Variants in KIN observed in about 807,000 individuals in gnomAD.
KIN encodes DNA/RNA-binding protein KIN17.
KIN carries 47 observed loss-of-function variants against 63.0 expected under a neutral mutation model. The ratio of observed to expected loss-of-function variants is 0.75; its 90% CI spans 0.59 to 0.95. The LOEUF is 0.95. Ranked by LOEUF, KIN falls within the 40% of genes least tolerant of loss-of-function variation. The pLI, the probability that KIN is intolerant of heterozygous loss-of-function variation, is 0.00. For missense variants in KIN, 408 were observed against 460.9 expected (o/e 0.89, Z 1.05); for synonymous variants, 160 against 157.7 (o/e 1.01, Z -0.11).
At chr10:7,766,726 T>C (rs527346026) in intron 8 of KIN, among the ~76,000 whole-genome samples, 67 of 152,284 alleles carry the variant, frequency 4.4e-4, no homozygotes, top group African/African-American at 1.5e-3. Context: ...CTTGGTTGAT[T>C]CGAAACCTAA....
intron 9 of KIN, 103 bp downstream of exon 9, chr10:7,765,950 G>C (rs899001790): frequency 1.1e-5 from 8 of 747,694 alleles, no homozygotes; most frequent in Non-Finnish European, 1.8e-5. Flanking sequence ...TATCTATATA[G>C]ATTATACGTG....
chr10:7,778,695 C>T (rs1322061747), intron 5 of KIN, 143 bp downstream of exon 5: 13 of 803,880 alleles, frequency 1.6e-5, no homozygotes, highest in South Asian at 5.2e-5. Context: ...GCTGAGATTG[C>T]GCTACTGCAC....
In KIN at chr10:7,778,958, T is replaced by C. The variant is rs781744882; in HGVS notation, c.438A>G (p.Pro146=). ...GTTCCAGTTGCCGGCGGATAGTTTC[T>C]GGGTCCCTGTCTATGTACTGAATAT... ...GWYIQYIDRD[P]ETIRRQLELE... The change falls in exon 5 of 13, where the codon CCA becomes CCG. Residue 146 remains proline (P), a synonymous_variant. Transcript: ENST00000379562. 1.2e-6 allele frequency: 2 copies of C among 1,614,170 alleles called. No individual in the cohort carries two copies. Among genetic ancestry groups the C allele is most frequent in the Non-Finnish European group, 1.7e-6 (2 of 1,180,040 alleles).
rs1294039379 is a variant in KIN, at chr10:7,763,717, C to T, written c.918+6G>A. ...ACAAATTCCATTCATAATTGCACGT[C>T]CTTACCTTAACAATAGCCTTTTTCT... is the stretch of plus-strand genomic sequence containing the variant. On this transcript the variant is annotated splice_donor_region_variant and intron_variant, in intron 10 of 12. Coordinates refer to ENST00000379562, the MANE Select transcript of KIN (RefSeq NM_012311.4). The T allele has an allele frequency of 1.4e-6, 2 of 1,461,234 alleles. No individual in the cohort carries two copies. Among genetic ancestry groups the T allele is most frequent in the Admixed American group, 1.8e-5 (1 of 54,790 alleles). 90.5% of individuals were successfully genotyped at this position (1,461,234 alleles called of 1,614,324 possible).
chr10:7,780,403 GT>G (rs551751313), intron 2 of KIN, 96 bp from the exon 3 acceptor site: 39 of 1,070,934 alleles, frequency 3.6e-5, no homozygotes, highest in Admixed American at 1.3e-4. Context: ...TTTTGTTTTT[GT>G]TTTTTTTGAG....
At chr10:7,782,155 A>C (rs1199766068) in intron 2 of KIN, among the ~76,000 whole-genome samples, 1 of 152,186 alleles carries the variant, frequency 6.6e-6, no homozygotes, top group African/African-American at 2.4e-5. Context: ...CATAAACAGA[A>C]GTTCTTGGGG....
At chr10:7,761,222 C>T (rs1366036642) in intron 11 of KIN, 1 of 152,016 alleles carries the variant, frequency 6.6e-6, no homozygotes, top group African/African-American at 2.4e-5. Flanking sequence ...TATTGTACAT[C>T]AATTTTACCA....
At position 7,754,014 on chromosome 10, in the gene KIN, T is replaced by A. The variant is rs900184931; in HGVS notation, c.*2066A>T. ...GAAGTGATCATCCTGGTATGGTCTGTTTTTTGTTTGAACTCTTGTAGAAGA... is the reference window on the plus strand; with the variant it reads ...GAAGTGATCATCCTGGTATGGTCTGATTTTTGTTTGAACTCTTGTAGAAGA... On this transcript the variant is annotated 3_prime_UTR_variant, in exon 13 of 13. Transcript: ENST00000379562. The A allele has an allele frequency of 6.6e-6, 3 of 455,832 alleles. No individual in the cohort carries two copies. The highest frequency in any genetic ancestry group is 1.3e-5 in the Non-Finnish European group (3 of 226,772). The allele number at this position is 455,832 out of a possible 1,614,324, so 28.2% of individuals were successfully genotyped here.
rs1451487255 is a variant in KIN, at chr10:7,763,800, T to A, written c.850-9A>T. 5 of 1,223,856 alleles carry A rather than the reference T, an allele frequency of 4.1e-6. No individual in the cohort carries two copies. The highest frequency in any genetic ancestry group is 2.4e-5 in the East Asian group (1 of 42,006). 75.8% of individuals were successfully genotyped at this position (1,223,856 alleles called of 1,614,324 possible). Reference sequence around the variant, plus strand: ...ATTTTCACAATAATTTCCTAGAAAATAATAACAAAAAAAATGAAAGGAAAG... The same window carrying A: ...ATTTTCACAATAATTTCCTAGAAAAAAATAACAAAAAAAATGAAAGGAAAG... On this transcript the variant is annotated splice_polypyrimidine_tract_variant and intron_variant, in intron 9 of 12. Coordinates refer to ENST00000379562, the MANE Select transcript of KIN (RefSeq NM_012311.4).
chr10:7,765,958 G>A (rs566376296), intron 9 of KIN, 95 bp downstream of exon 9: 34 of 790,510 alleles, frequency 4.3e-5, no homozygotes, highest in South Asian at 3.9e-4. Flanking sequence ...TAGATTATAC[G>A]TGTTTGAAAA....
chr10:7,781,587 T>TCTACACACACACACACACACACAC lies in KIN; in HGVS notation c.210-1281_210-1280insGTGTGTGTGTGTGTGTGTGTGTAG, dbSNP rs71515486. On this transcript the variant is annotated intron_variant, in intron 2 of 12. Coordinates refer to ENST00000379562, the MANE Select transcript of KIN (RefSeq NM_012311.4). ...GGGCAACAAAGTGAGACCCTGTCTC[T>TCTACACACACACACACACACACAC]ACACACACACACACACACACACACA... Among the ~76,000 whole-genome samples, 209 of 140,710 alleles carry TCTACACACACACACACACACACAC rather than the reference T, an allele frequency of 1.5e-3. 1 individual carries two copies. The highest frequency in any genetic ancestry group is 5.3e-3 in the African/African-American group (194 of 36,402). 92.3% of individuals were successfully genotyped at this position (140,710 alleles called of 152,430 possible).
At chr10:7,773,468 T>C (rs1231284821) in intron 7 of KIN, among the ~76,000 whole-genome samples, 1 of 152,228 alleles carries the variant, frequency 6.6e-6, no homozygotes, top group African/African-American at 2.4e-5. Flanking sequence ...TTTGAGCCGA[T>C]CTTCCAGGTC....
chr10:7,787,081 GC>G (rs3834400), intron 1 of KIN, among the ~76,000 whole-genome samples: 70,337 of 151,832 alleles, frequency 0.46, 16,762 homozygotes, highest in Non-Finnish European at 0.51. Flanking sequence ...CCATAGTGTA[GC>G]CATATAAGGC....
chr10:7,764,519 A>C (rs1017275873), intron 9 of KIN, among the ~76,000 whole-genome samples: 1 of 152,246 alleles, frequency 6.6e-6, no homozygotes, highest in African/African-American at 2.4e-5. Flanking sequence ...CTTCAAGTGA[A>C]TATATCAAAG....
At chr10:7,775,106 C>G (rs1161532888) in intron 6 of KIN, among the ~76,000 whole-genome samples, 3 of 152,204 alleles carry the variant, frequency 2.0e-5, no homozygotes, top group African/African-American at 7.2e-5. Flanking sequence ...GTCACCGTGG[C>G]AGACCACACC....
At chr10:7,757,098 G>A (rs1835345535) in intron 12 of KIN, among the ~76,000 whole-genome samples, 1 of 152,092 alleles carries the variant, frequency 6.6e-6, no homozygotes, top group Admixed American at 6.6e-5. Flanking sequence ...TTGGGTTGTT[G>A]GGAAATATAA....
rs536298351 is a variant in KIN, at chr10:7,775,120, G to A, written c.608-229C>T. ...TGTCACCGTGGCAGACCACACCGGC[G>A]CTTCCCTGCTCTATCCCCATTTCCC... is the stretch of plus-strand genomic sequence containing the variant. On this transcript the variant is annotated intron_variant, in intron 6 of 12. Coordinates refer to ENST00000379562, the MANE Select transcript of KIN (RefSeq NM_012311.4). Among the ~76,000 whole-genome samples the A allele has an allele frequency of 1.9e-3, 291 of 152,276 alleles. 2 individuals are homozygous for A. The highest frequency in any genetic ancestry group is 3.4e-3 in the Non-Finnish European group (228 of 68,028).
At position 7,787,930 on chromosome 10, in the gene KIN, C is replaced by G. The variant is rs75813059; in HGVS notation, c.4G>C (p.Gly2Arg). 42 of 1,607,646 alleles carry G rather than the reference C, an allele frequency of 2.6e-5. No homozygotes were observed. Among genetic ancestry groups the G allele is most frequent in the Non-Finnish European group, 2.6e-6 (3 of 1,174,226 alleles). The change falls in exon 1 of 13, where the codon GGG becomes CGG. Residue 2 changes from glycine to arginine, a missense_variant. Coordinates refer to ENST00000379562, the MANE Select transcript of KIN (RefSeq NM_012311.4). ...TTGGGAGTAAGAAAATCCGACTTCCCCATGGCGACCACGGCAGCGATCACT... is the reference window on the plus strand; with the variant it reads ...TTGGGAGTAAGAAAATCCGACTTCCGCATGGCGACCACGGCAGCGATCACT... M[G>R]KSDFLTPKAI... is the part of the protein sequence containing the mutation.
At position 7,780,123 on chromosome 10, in the gene KIN, C is replaced by G. The variant is rs1446990753; in HGVS notation, c.309G>C (p.Glu103Asp). 6.2e-7 allele frequency: 1 copy of G among 1,613,784 alleles called. No individual in the cohort carries two copies. The highest frequency in any genetic ancestry group is 2.2e-5 in the East Asian group (1 of 44,864). Residue 103 changes from glutamate to aspartate, a missense_variant, in exon 4 of 13, where the codon GAG becomes GAC. Glu to Asp is a conservative substitution (Grantham distance 45). This residue lies in a region of KIN where 110 missense variants were observed against 164.9 expected (regional missense o/e 0.67). Coordinates refer to ENST00000379562, the MANE Select transcript of KIN (RefSeq NM_012311.4). ...IVYNEYISHREHIHMNATQWE... is the reference protein window; with the variant it reads ...IVYNEYISHRDHIHMNATQWE... ...ACTGAGTGGCATTCATGTGGATGTG[C>G]TCTCGGTGGCTGATGTATTCGTTGT...
Sources: allele counts gnomAD v4.1 joint callset (sites outside exome capture counted in the v4.1 genomes callset), GRCh38; gene constraint gnomAD v4.1.1; regional missense constraint gnomAD v4.1.1; transcripts MANE v1.5; gene names NCBI Gene and HGNC (gene_info 2026-07-23, HGNC 2026-07-21).